Variants in WDR70 observed in about 807,000 individuals in gnomAD.
The protein encoded by WDR70 is WD repeat-containing protein 70.
Under a neutral mutation model 88.6 loss-of-function variants are expected in WDR70, and 53 were observed. The observed-to-expected ratio is 0.60, with a 90% CI of 0.48 to 0.75. The LOEUF is 0.75. Ranked by LOEUF, WDR70 falls within the 30% of genes least tolerant of loss-of-function variation. The pLI is 0.00. For synonymous variants in WDR70, 280 were observed against 270.0 expected (o/e 1.04, Z -0.36); for missense variants, 610 against 823.2 (o/e 0.74, Z 3.17).
chr5:37,752,687 T>G lies in WDR70; in HGVS notation c.*114T>G, dbSNP rs1397119862. On this transcript the variant is annotated 3_prime_UTR_variant, in exon 18 of 18. Transcript: ENST00000265107. ...ATTTTTATGAACAGGTTTTGTCCTTTGCATTATTGAACTGGTCAAAAGTTT... is the reference window on the plus strand; with the variant it reads ...ATTTTTATGAACAGGTTTTGTCCTTGGCATTATTGAACTGGTCAAAAGTTT... 2 of 814,850 alleles carry G rather than the reference T, an allele frequency of 2.5e-6. No individual in the cohort carries two copies. Among genetic ancestry groups the G allele is most frequent in the Admixed American group, 3.0e-5 (1 of 33,090 alleles). The allele number at this position is 814,850 out of a possible 1,614,324, so 50.5% of individuals were successfully genotyped here.
chr5:37,595,735 C>T (rs1431948295), intron 9 of WDR70, among the ~76,000 whole-genome samples: 1 of 152,102 alleles, frequency 6.6e-6, no homozygotes, highest in African/African-American at 2.4e-5. Context: ...AAGAAGAGCT[C>T]CTTGAGAGCA....
intron 9 of WDR70, among the ~76,000 whole-genome samples, chr5:37,567,120 A>G (rs968400775): frequency 2.0e-5 from 3 of 152,194 alleles, no homozygotes; most frequent in Non-Finnish European, 4.4e-5. Flanking sequence ...TTGTAAATAA[A>G]TGAGTGCTGA....
At chr5:37,725,888 A>G (rs544796299) in intron 16 of WDR70, among the ~76,000 whole-genome samples, 23 of 152,068 alleles carry the variant, frequency 1.5e-4, no homozygotes, top group East Asian at 9.7e-4. Context: ...CCACTGTCCA[A>G]TTGTCTTTCC....
At chr5:37,579,581 T>G (rs1237506818) in intron 9 of WDR70, among the ~76,000 whole-genome samples, 1 of 40,674 alleles carries the variant, frequency 2.5e-5, no homozygotes, top group Admixed American at 3.2e-4. Context: ...AGACTCTGTC[T>G]CAAAAAAAAA....
At chr5:37,640,979 A>G (rs546644457) in intron 10 of WDR70, among the ~76,000 whole-genome samples, 1 of 152,342 alleles carries the variant, frequency 6.6e-6, no homozygotes, top group Admixed American at 6.5e-5. Context: ...ATAATCGTCA[A>G]TTCACTTGCT....
chr5:37,721,053 AG>A, intron 13 of WDR70, 61 bp from the exon 14 acceptor site: 1 of 1,414,332 alleles, frequency 7.1e-7, no homozygotes, highest in South Asian at 1.2e-5. Context: ...TCAAAGTACC[AG>A]CAGGATTGTT....
At chr5:37,595,682 C>G (rs1743681083) in intron 9 of WDR70, among the ~76,000 whole-genome samples, 1 of 152,172 alleles carries the variant, frequency 6.6e-6, no homozygotes. Context: ...TTACTCAGGT[C>G]ACATAAATTG....
intron 3 of WDR70, among the ~76,000 whole-genome samples, chr5:37,390,046 T>G (rs1387893481): frequency 6.6e-6 from 1 of 151,576 alleles, no homozygotes; most frequent in Non-Finnish European, 1.5e-5. Context: ...ATTTCATTAT[T>G]AAGTGAAGGA....
chr5:37,476,692 A>G (rs1294466459), intron 7 of WDR70, among the ~76,000 whole-genome samples: 1 of 152,156 alleles, frequency 6.6e-6, no homozygotes, highest in Non-Finnish European at 1.5e-5. Flanking sequence ...CTGGGACTAC[A>G]GGTGCATGTC....
chr5:37,496,764 A>T (rs1001291526), intron 8 of WDR70, among the ~76,000 whole-genome samples: 5 of 152,182 alleles, frequency 3.3e-5, no homozygotes, highest in Non-Finnish European at 7.3e-5. Flanking sequence ...GGTTCTAAGG[A>T]TGGAATTGAG....
chr5:37,685,163 C>T (rs1476973594), intron 10 of WDR70, among the ~76,000 whole-genome samples: 2 of 152,010 alleles, frequency 1.3e-5, no homozygotes, highest in African/African-American at 2.4e-5. Flanking sequence ...CTGTGCCCAC[C>T]AAGGCACTGA....
intron 9 of WDR70, among the ~76,000 whole-genome samples, chr5:37,524,972 C>G (rs1379213958): frequency 6.6e-6 from 1 of 152,176 alleles, no homozygotes; most frequent in Non-Finnish European, 1.5e-5. Flanking sequence ...CACCCAGATT[C>G]ACAAAGCAAG....
chr5:37,464,375 G>C (rs1739097400), intron 7 of WDR70, among the ~76,000 whole-genome samples: 1 of 152,134 alleles, frequency 6.6e-6, no homozygotes, highest in South Asian at 2.1e-4. Flanking sequence ...AATTTTCTCA[G>C]TTTGATTAAT....
chr5:37,697,685 C>T lies in WDR70; in HGVS notation c.1123C>T (p.His375Tyr), dbSNP rs1351903395. Residue 375 changes from histidine to tyrosine, a missense_variant, in exon 11 of 18, where the codon CAT becomes TAT. His to Tyr is a moderately conservative substitution (Grantham distance 83). Transcript: ENST00000265107. ...VHPKFHYKQA[H>Y]DSGTDTSCVT... The stretch of plus-strand genomic sequence containing the variant: ...TCCTAAGTTCCACTATAAACAGGCT[C>T]ATGACTCGGGCACAGACACTTCTTG... 3 of 1,613,684 alleles carry T rather than the reference C, an allele frequency of 1.9e-6. No individual in the cohort carries two copies. In the East Asian group the frequency reaches 6.7e-5, roughly 36 times the overall value.
intron 5 of WDR70, among the ~76,000 whole-genome samples, chr5:37,409,955 T>C (rs1749471450): frequency 6.6e-6 from 1 of 152,176 alleles, no homozygotes; most frequent in Non-Finnish European, 1.5e-5. Flanking sequence ...TTCATCACAA[T>C]AGGCAAATAT....
intron 5 of WDR70, among the ~76,000 whole-genome samples, chr5:37,427,038 A>C (rs1354300697): frequency 2.6e-5 from 4 of 152,168 alleles, no homozygotes; most frequent in Admixed American, 2.0e-4. Flanking sequence ...GGTCTCTGAA[A>C]GTTTTAGAAT....
chr5:37,567,904 T>C (rs1325897377), intron 9 of WDR70, among the ~76,000 whole-genome samples: 2 of 152,120 alleles, frequency 1.3e-5, no homozygotes, highest in African/African-American at 4.8e-5. Context: ...CTAGGCCACA[T>C]AGTCTAAGGA....
At chr5:37,554,006 G>C (rs1742223143) in intron 9 of WDR70, among the ~76,000 whole-genome samples, 1 of 151,964 alleles carries the variant, frequency 6.6e-6, no homozygotes, top group Non-Finnish European at 1.5e-5. Flanking sequence ...GTCTTAGAGG[G>C]ATTATGGAAT....
intron 8 of WDR70, among the ~76,000 whole-genome samples, chr5:37,505,078 T>C (rs1740520274): frequency 6.6e-6 from 1 of 152,258 alleles, no homozygotes; most frequent in South Asian, 2.1e-4. Context: ...TTTATATATA[T>C]TTACTGGTGG....
Sources: allele counts gnomAD v4.1 joint callset (sites outside exome capture counted in the v4.1 genomes callset), GRCh38; gene constraint gnomAD v4.1.1; transcripts MANE v1.5; gene names NCBI Gene and HGNC (gene_info 2026-07-23, HGNC 2026-07-21).